Variants in PDE8A observed in about 807,000 individuals in gnomAD.
PDE8A encodes phosphodiesterase 8A, also known as high affinity cAMP-specific and IBMX-insensitive 3',5'-cyclic phosphodiesterase 8A.
In PDE8A, 59 loss-of-function variants were observed where a neutral mutation model predicts 105.0. The observed-to-expected ratio is 0.56, with a 90% confidence interval of 0.46 to 0.70. The LOEUF is 0.70. PDE8A is among the 30% of genes least tolerant of loss of function. The pLI, the probability that PDE8A is intolerant of heterozygous loss-of-function variation, is 0.00. For synonymous variants in PDE8A, 355 were observed against 371.9 expected (o/e 0.95, Z 0.52); for missense variants, 1,014 against 1,045.9 (o/e 0.97, Z 0.42).
upstream of PDE8A, among the ~76,000 whole-genome samples, chr15:84,981,266 G>GCGGCGTC (rs1267839541): frequency 6.6e-6 from 1 of 152,188 alleles, no homozygotes; most frequent in Admixed American, 6.5e-5. Flanking sequence ...TCAGTTGCGG[G>GCGGCGTC]CGGCGTCCGG....
At position 85,040,336 on chromosome 15, in the gene PDE8A, C is replaced by T. The variant is rs185835440; in HGVS notation, c.187-24034C>T. Among the ~76,000 whole-genome samples, 1,038 of 134,924 alleles carry T rather than the reference C, an allele frequency of 7.7e-3. 5 individuals are homozygous for T. Among genetic ancestry groups the T allele is most frequent in the Middle Eastern group, 0.043 (10 of 234 alleles). 88.5% of individuals were successfully genotyped at this position (134,924 alleles called of 152,430 possible). ...GCCTCCCAAAGTGCTGGGATTACGG[C>T]GTGAGCCACCATGCCCAGCCAAGAC... On this transcript the variant is annotated intron_variant, in intron 1 of 21. Coordinates refer to ENST00000394553, the MANE Select transcript of PDE8A (RefSeq NM_002605.3).
intron 1 of PDE8A, among the ~76,000 whole-genome samples, chr15:85,037,681 C>T (rs150485940): frequency 5.3e-5 from 8 of 152,192 alleles, no homozygotes; most frequent in Admixed American, 3.9e-4. Flanking sequence ...TTTAGGGATA[C>T]GAATGCCTTT....
At chr15:85,093,890 T>A (rs1184588191) in intron 8 of PDE8A, among the ~76,000 whole-genome samples, 1 of 152,034 alleles carries the variant, frequency 6.6e-6, no homozygotes, top group Non-Finnish European at 1.5e-5. Context: ...GACATGGACT[T>A]GATCTGTCAC....
chr15:85,060,115 C>T (rs1175178404), intron 1 of PDE8A, among the ~76,000 whole-genome samples: 3 of 152,190 alleles, frequency 2.0e-5, no homozygotes, highest in Non-Finnish European at 2.9e-5. Flanking sequence ...TCTTTAATTA[C>T]TGTCTTCTTT....
intron 5 of PDE8A, among the ~76,000 whole-genome samples, chr15:85,080,195 T>C (rs952082279): frequency 8.5e-5 from 13 of 152,224 alleles, no homozygotes; most frequent in African/African-American, 2.9e-4. Flanking sequence ...CATTAGGTTA[T>C]TGATTATATA....
At chr15:85,045,655 C>G (rs530088223) in intron 1 of PDE8A, among the ~76,000 whole-genome samples, 1 of 152,198 alleles carries the variant, frequency 6.6e-6, no homozygotes, top group Admixed American at 6.5e-5. Flanking sequence ...TCCTGCTACC[C>G]AAGGGACAGG....
intron 1 of PDE8A, among the ~76,000 whole-genome samples, chr15:84,987,825 G>A (rs950297938): frequency 6.6e-6 from 1 of 152,048 alleles, no homozygotes; most frequent in African/African-American, 2.4e-5. Context: ...AGGACACAGG[G>A]TGAGGCAGAC....
rs541088688 is a variant in PDE8A, at chr15:85,050,267, A to G, written c.187-14103A>G. Among the ~76,000 whole-genome samples, 157 of 152,234 alleles carry G rather than the reference A, an allele frequency of 1.0e-3. 1 individual carries two copies. The highest frequency in any genetic ancestry group is 3.7e-3 in the African/African-American group (152 of 41,536). On this transcript the variant is annotated intron_variant, in intron 1 of 21. Transcript: ENST00000394553. The stretch of plus-strand genomic sequence containing the variant: ...TACTTTTTCCAGTTCTGTGGATTGC[A>G]TTTTTACTCTGTTGATGTTGTCTTT...
intron 1 of PDE8A, among the ~76,000 whole-genome samples, chr15:85,052,549 T>A (rs2080992960): frequency 6.6e-6 from 1 of 152,244 alleles, no homozygotes; most frequent in South Asian, 2.1e-4. Flanking sequence ...ATTGTGGTTT[T>A]GATTTGCATT....
chr15:85,006,520 C>G (rs947222621), intron 1 of PDE8A, among the ~76,000 whole-genome samples: 1 of 152,126 alleles, frequency 6.6e-6, no homozygotes, highest in Non-Finnish European at 1.5e-5. Context: ...ATTTTATTTG[C>G]ATTAAGTTGA....
At chr15:85,046,407 T>G (rs2080889002) in intron 1 of PDE8A, among the ~76,000 whole-genome samples, 1 of 152,200 alleles carries the variant, frequency 6.6e-6, no homozygotes, top group Non-Finnish European at 1.5e-5. Flanking sequence ...AAACTACAAG[T>G]CCTGTATTAC....
chr15:85,062,251 A>ATTGTT (rs59124541), intron 1 of PDE8A, among the ~76,000 whole-genome samples: 13,366 of 151,812 alleles, frequency 0.088, 1,626 homozygotes, highest in African/African-American at 0.28. Flanking sequence ...ATTTGCTGTT[A>ATTGTT]TTGTTTTGTT....
chr15:85,016,480 T>C (rs561722519), intron 1 of PDE8A, among the ~76,000 whole-genome samples: 1 of 152,334 alleles, frequency 6.6e-6, no homozygotes, highest in South Asian at 2.1e-4. Context: ...CATAATTGAG[T>C]TCATTTCTGG....
intron 19 of PDE8A, among the ~76,000 whole-genome samples, 196 bp downstream of exon 19, chr15:85,123,389 G>T (rs1482115593): frequency 7.8e-6 from 1 of 127,942 alleles, no homozygotes; most frequent in African/African-American, 3.0e-5. Context: ...CACACACAAA[G>T]GGGAGTTTAT....
At chr15:85,062,145 T>G (rs1311405177) in intron 1 of PDE8A, among the ~76,000 whole-genome samples, 1 of 152,230 alleles carries the variant, frequency 6.6e-6, no homozygotes, top group East Asian at 1.9e-4. Flanking sequence ...TTGGCTGTAC[T>G]TTCCTGTTTG....
intron 8 of PDE8A, among the ~76,000 whole-genome samples, chr15:85,095,324 A>G (rs1399388171): frequency 3.9e-5 from 6 of 152,136 alleles, no homozygotes; most frequent in African/African-American, 1.4e-4. Context: ...TACTATTATT[A>G]TTCTCAGGAA....
intron 1 of PDE8A, chr15:85,062,964 C>G (rs1257163009): frequency 1.3e-5 from 2 of 152,208 alleles, no homozygotes; most frequent in African/African-American, 2.4e-5. Flanking sequence ...TCCAGTTACA[C>G]CAGTATGAGA....
At chr15:85,054,762 C>T (rs2081033576) in intron 1 of PDE8A, among the ~76,000 whole-genome samples, 1 of 152,206 alleles carries the variant, frequency 6.6e-6, no homozygotes, top group Non-Finnish European at 1.5e-5. Flanking sequence ...AAACAACCAG[C>T]TCCTGGATTC....
chr15:85,093,276 CA>C (rs1199912968), intron 8 of PDE8A, among the ~76,000 whole-genome samples: 3 of 152,182 alleles, frequency 2.0e-5, no homozygotes, highest in Non-Finnish European at 4.4e-5. Context: ...CATGGAAAAG[CA>C]ACCTTTGTCC....
Sources: gnomAD v4.1 joint callset for allele counts (sites outside exome capture counted in the v4.1 genomes callset) on GRCh38, gnomAD v4.1.1 for gene constraint, MANE v1.5 for transcripts, NCBI Gene and HGNC (gene_info 2026-07-23, HGNC 2026-07-21) for gene names.